Variants in WDR59 observed in about 807,000 individuals in gnomAD.
The protein encoded by WDR59 is WD repeat domain 59, also known as GATOR2 complex protein WDR59.
A neutral mutation model predicts 131.2 loss-of-function variants in WDR59; 100 were observed. The observed-to-expected ratio is 0.76, with a 90% CI of 0.65 to 0.90. The LOEUF (loss-of-function observed/expected upper bound fraction) is 0.90. WDR59 is among the 40% of genes least tolerant of loss of function. The pLI is 0.00. For synonymous variants in WDR59, 601 were observed against 466.2 expected (o/e 1.29, Z -3.72); for missense variants, 1,203 against 1,262.2 (o/e 0.95, Z 0.71).
intron 1 of WDR59, among the ~76,000 whole-genome samples, chr16:74,972,171 C>A (rs1243466845): frequency 1.3e-5 from 2 of 152,184 alleles, no homozygotes; most frequent in African/African-American, 4.8e-5. Context: ...TGACTTTTGG[C>A]ACACTTAACA....
rs543088632 is a variant in WDR59 at position 74,873,494 on chromosome 16, C to T, written c.*715G>A. On this transcript the variant is annotated 3_prime_UTR_variant, in exon 26 of 26. Transcript: ENST00000262144. ...GTAAATCAGCATTTCCTTTAAAAAT[C>T]GGAGCACTGACTTTGGTCCTATTCA... is the stretch of plus-strand genomic sequence containing the variant. 1 of 151,976 alleles carries T rather than the reference C, an allele frequency of 6.6e-6. No individual in the cohort carries two copies. The highest frequency in any genetic ancestry group is 1.9e-4 in the East Asian group (1 of 5,166). 9.4% of individuals were successfully genotyped at this position (151,976 alleles called of 1,614,324 possible). A position where few individuals can be genotyped will look rare whatever the true frequency, so the allele number is the denominator to read the frequency against.
intron 25 of WDR59, among the ~76,000 whole-genome samples, chr16:74,878,837 T>C (rs753791492): frequency 2.6e-5 from 4 of 152,216 alleles, no homozygotes; most frequent in Non-Finnish European, 4.4e-5. Flanking sequence ...TTCTGCTCCA[T>C]AGGATATTGT....
At chr16:74,955,693 G>A (rs2033254594) in intron 3 of WDR59, among the ~76,000 whole-genome samples, 1 of 152,118 alleles carries the variant, frequency 6.6e-6, no homozygotes, top group African/African-American at 2.4e-5. Flanking sequence ...CTTTCCTTCT[G>A]CAGACTGCCT....
rs184802297 is a variant in WDR59, at chr16:74,962,214, G to A, written c.104+3559C>T. On this transcript the variant is annotated intron_variant, in intron 2 of 25. Transcript: ENST00000262144. ...TAGCCTTGTAGGATAGTTTGAAGTC[G>A]GGTAGCGTAATACCTCCAGCTTTGT... Among the ~76,000 whole-genome samples the A allele has an allele frequency of 2.5e-3, 385 of 152,128 alleles. 3 individuals carry two copies. The highest frequency in any genetic ancestry group is 3.1e-3 in the Non-Finnish European group (210 of 67,964).
chr16:74,963,068 C>T, intron 2 of WDR59: 1 of 152,180 alleles, frequency 6.6e-6, no homozygotes, highest in Non-Finnish European at 1.5e-5. Context: ...CCAGCCTGGG[C>T]AACATGGTGA....
chr16:74,948,629 C>T, intron 5 of WDR59, 73 bp from the exon 6 acceptor site: 1 of 1,257,886 alleles, frequency 7.9e-7, no homozygotes. Context: ...TCACCCTTTG[C>T]ACACAATTCT....
At chr16:74,944,375 A>G (rs1019039417) in intron 6 of WDR59, among the ~76,000 whole-genome samples, 17 of 151,600 alleles carry the variant, frequency 1.1e-4, no homozygotes, top group African/African-American at 4.1e-4. Flanking sequence ...CTGAGGCAGG[A>G]GAATTGCTTG....
chr16:74,900,018 A>T (rs893092779), intron 18 of WDR59, among the ~76,000 whole-genome samples: 3 of 152,184 alleles, frequency 2.0e-5, no homozygotes, highest in African/African-American at 7.2e-5. Context: ...TTCAAGGTAT[A>T]TGGAGGCTGA....
rs1266867635 is a variant in WDR59 at position 74,897,295 on chromosome 16, G to C, written c.1867-3483C>G. 3.3e-5 allele frequency among the ~76,000 whole-genome samples: 5 copies of C among 152,210 alleles called. No homozygotes were observed. The East Asian group carries it at 7.7e-4, about 23-fold the overall frequency. On this transcript the variant is annotated intron_variant, in intron 18 of 25. Transcript: ENST00000262144. The stretch of plus-strand genomic sequence containing the variant: ...ATTCAGACCAAGATGCTGCATTTCA[G>C]GCCGGGCACCTCACAGTGTTTAGGC...
chr16:74,968,965 G>A (rs1171280840), intron 1 of WDR59, among the ~76,000 whole-genome samples: 1 of 152,098 alleles, frequency 6.6e-6, no homozygotes, highest in Non-Finnish European at 1.5e-5. Context: ...AAGTGAAAAC[G>A]ACCTAACCAG....
chr16:74,893,592 G>T (rs1965146793), intron 19 of WDR59, 87 bp downstream of exon 19: 3 of 1,429,612 alleles, frequency 2.1e-6, no homozygotes, highest in African/African-American at 1.4e-5. Flanking sequence ...TGCTTTTGAA[G>T]AAAGGATTCC....
intron 1 of WDR59, among the ~76,000 whole-genome samples, chr16:74,982,960 C>A (rs766007373): frequency 6.6e-6 from 1 of 152,142 alleles, no homozygotes; most frequent in Non-Finnish European, 1.5e-5. Flanking sequence ...ATAGTGTATA[C>A]CTGAAGGGAG....
At chr16:74,937,784 G>C (rs778467951) in intron 8 of WDR59, among the ~76,000 whole-genome samples, 14 of 152,286 alleles carry the variant, frequency 9.2e-5, no homozygotes, top group Middle Eastern at 6.8e-3. Context: ...TTACAGGTGT[G>C]AGCCACCATG....
chr16:74,917,318 T>C (rs1343386651), intron 11 of WDR59, among the ~76,000 whole-genome samples: 1 of 152,180 alleles, frequency 6.6e-6, no homozygotes, highest in Non-Finnish European at 1.5e-5. Context: ...TCTTAGCCCA[T>C]TTAGAAGAGA....
chr16:74,919,751 C>T (rs920963744), intron 10 of WDR59, among the ~76,000 whole-genome samples: 3 of 152,200 alleles, frequency 2.0e-5, no homozygotes, highest in Non-Finnish European at 4.4e-5. Context: ...AGGACTACTG[C>T]TTCCCTCAGG....
chr16:74,885,163 T>C (rs1242368860), intron 25 of WDR59, among the ~76,000 whole-genome samples: 1 of 152,102 alleles, frequency 6.6e-6, no homozygotes, highest in African/African-American at 2.4e-5. Context: ...CAATAGAAAC[T>C]GCATCCTGGG....
intron 20 of WDR59, among the ~76,000 whole-genome samples, chr16:74,891,106 C>T: frequency 7.5e-6 from 1 of 134,150 alleles, no homozygotes. Flanking sequence ...GAGCGAGACT[C>T]TGTCTCAAAA....
Position 74,873,138 on chromosome 16 carries a change from G to A in WDR59, c.*1071C>T, listed in dbSNP as rs1964043282. ...TTGGCCAGGCTAGTCTCGAACTCCT[G>A]ACCTCAGGTAATCCTCCCACCTCAG... On this transcript the variant is annotated 3_prime_UTR_variant, in exon 26 of 26. Coordinates refer to ENST00000262144, the MANE Select transcript of WDR59 (RefSeq NM_030581.4). 6.6e-6 allele frequency: 1 copy of A among 152,006 alleles called. No individual in the cohort carries two copies. The highest frequency in any genetic ancestry group is 6.6e-5 in the Admixed American group (1 of 15,256). The allele number at this position is 152,006 out of a possible 1,614,324, so 9.4% of individuals were successfully genotyped here.
At chr16:74,951,159 C>CAAAAA (rs71378721) in intron 4 of WDR59, among the ~76,000 whole-genome samples, 9 of 74,586 alleles carry the variant, frequency 1.2e-4, no homozygotes, top group East Asian at 7.1e-4. Flanking sequence ...GACTTCGTCT[C>CAAAAA]AAAAAAAAAA....
Sources: gnomAD v4.1 joint callset for allele counts (sites outside exome capture counted in the v4.1 genomes callset) on GRCh38, gnomAD v4.1.1 for gene constraint, MANE v1.5 for transcripts, NCBI Gene and HGNC (gene_info 2026-07-23, HGNC 2026-07-21) for gene names.